The following NKTR variants were observed in gnomAD, a reference collection of about 807,000 sequenced individuals.
The protein encoded by NKTR is natural killer cell triggering receptor.
Under a neutral mutation model 156.3 loss-of-function variants are expected in NKTR, and 67 were observed. The ratio of observed to expected loss-of-function variants is 0.43; its 90% CI spans 0.35 to 0.53. The LOEUF (loss-of-function observed/expected upper bound fraction) is 0.53, where lower values mean the gene tolerates loss of function less well. Ranked by LOEUF, NKTR falls within the 20% of genes least tolerant of loss-of-function variation. The pLI, the probability that NKTR is intolerant of heterozygous loss-of-function variation, is 0.01. For missense variants in NKTR, 1,604 were observed against 1,730.9 expected, an observed-to-expected ratio of 0.93 and a Z score of 1.30; for synonymous variants, 640 against 596.6, an observed-to-expected ratio of 1.07 and a Z score of -1.06.
chr3:42,604,371 T>A (rs1438662771), intron 2 of NKTR, among the ~76,000 whole-genome samples: 1 of 146,350 alleles, frequency 6.8e-6, no homozygotes, highest in East Asian at 2.4e-4. Flanking sequence ...AGATTGTTGA[T>A]TTGATACCTT....
Position 42,636,925 on chromosome 3 carries a change from A to G in NKTR, c.1221A>G (p.Arg407=). The G allele has an allele frequency of 1.3e-6, 2 of 1,591,160 alleles. No individual in the cohort carries two copies. The highest frequency in any genetic ancestry group is 1.7e-6 in the Non-Finnish European group (2 of 1,174,450). ...AAAGAAGCTTGTCTCAGAGATCCAG[A>G]TCATGGTCCTATAATGGATATTATT... ...WDERSLSQRS[R]SWSYNGYYSD... Residue 407 remains arginine, a synonymous_variant, in exon 13 of 17, where the codon AGA becomes AGG. Coordinates refer to ENST00000232978, the MANE Select transcript of NKTR (RefSeq NM_005385.4).
chr3:42,601,208 C>T (rs1705406920), intron 2 of NKTR, 144 bp downstream of exon 2: 2 of 616,526 alleles, frequency 3.2e-6, no homozygotes, highest in Non-Finnish European at 5.3e-6. Flanking sequence ...GAGAGAAAAT[C>T]AGTGGGAGAG....
In NKTR at chr3:42,637,953, A is replaced by C; in HGVS notation, c.2249A>C (p.Asp750Ala). The change falls in exon 13 of 17, where the codon GAT becomes GCT. Residue 750 changes from aspartate to alanine, a missense_variant. By Grantham distance (126) the Asp-to-Ala change is moderately radical. This residue lies in a region of NKTR where 1,255 missense variants were observed against 1,243.7 expected (regional missense o/e 1.01). Transcript: ENST00000232978. ...TCTTCATATACTTCTATTAGCAGTG[A>C]TGATGGAAGGCGAGCTAAGAGGAGA... is the stretch of plus-strand genomic sequence containing the variant. ...RSSSYTSISS[D>A]DGRRAKRRLR... is the part of the protein sequence containing the mutation. The C allele has an allele frequency of 6.2e-7, 1 of 1,613,856 alleles. No homozygotes were observed. Among genetic ancestry groups the C allele is most frequent in the Non-Finnish European group, 8.5e-7 (1 of 1,179,770 alleles).
At chr3:42,601,113 G>C in intron 2 of NKTR, 49 bp downstream of exon 2, 1 of 1,470,572 alleles carries the variant, frequency 6.8e-7, no homozygotes. Flanking sequence ...CTGCCTTGGC[G>C]AAGGGGAGGG....
chr3:42,617,770 GAGTT>G, intron 3 of NKTR, 126 bp downstream of exon 3: 1 of 557,430 alleles, frequency 1.8e-6, no homozygotes. Flanking sequence ...AAAAAAAAAA[GAGTT>G]ACTTATACTG....
Position 42,638,308 on chromosome 3 carries a change from C to T in NKTR, c.2604C>T (p.His868=), listed in dbSNP as rs750279264. The T allele has an allele frequency of 6.2e-7, 1 of 1,610,404 alleles. No homozygotes were observed. The highest frequency in any genetic ancestry group is 8.5e-7 in the Non-Finnish European group (1 of 1,179,082). ...CTTTGAAAGAGAATCTTTCTGATCA[C>T]CTTAGAAATGGCAGTAAGCCCAAAA... is the stretch of plus-strand genomic sequence containing the variant. ...KRTLKENLSD[H]LRNGSKPKRK... The change falls in exon 13 of 17, where the codon CAC becomes CAT. Residue 868 remains histidine, a synonymous_variant. Coordinates refer to ENST00000232978, the MANE Select transcript of NKTR (RefSeq NM_005385.4).
intron 6 of NKTR, 156 bp from the exon 7 acceptor site, chr3:42,630,390 G>T: frequency 7.0e-7 from 1 of 1,430,140 alleles, no homozygotes; most frequent in Non-Finnish European, 9.2e-7. Context: ...GCTGTTTTGG[G>T]GTTTTTAAGG....
intron 5 of NKTR, chr3:42,621,085 A>G (rs1707859971): frequency 1.0e-6 from 1 of 985,726 alleles, no homozygotes; most frequent in Admixed American, 6.1e-5. Context: ...ATTTGGAGGA[A>G]GTAAGCTAGA....
intron 4 of NKTR, 101 bp from the exon 5 acceptor site, chr3:42,619,563 A>C: frequency 6.3e-7 from 1 of 1,577,480 alleles, no homozygotes; most frequent in Admixed American, 1.9e-5. Context: ...CAGTTATAAC[A>C]TTCCAAGGTT....
chr3:42,629,322 T>C (rs1708687191), intron 6 of NKTR: 1 of 956,914 alleles, frequency 1.0e-6, no homozygotes, highest in Non-Finnish European at 1.2e-6. Context: ...TTTTAAAACT[T>C]AATATTTCCT....
chr3:42,635,385 A>G lies in NKTR; in HGVS notation c.1163+19A>G. ...GAGATAAGTAAGAACTTTGAGTATA[A>G]GCACAATCCTGTGTCTGTTATATTT... On this transcript the variant is annotated intron_variant, in intron 12 of 16. Coordinates refer to ENST00000232978, the MANE Select transcript of NKTR (RefSeq NM_005385.4). 9.5e-6 allele frequency: 15 copies of G among 1,586,508 alleles called. No homozygotes were observed. Among genetic ancestry groups the G allele is most frequent in the Non-Finnish European group, 1.2e-5 (14 of 1,163,126 alleles).
At chr3:42,615,096 T>A (rs559543256) in intron 2 of NKTR, among the ~76,000 whole-genome samples, 72 of 151,852 alleles carry the variant, frequency 4.7e-4, no homozygotes, top group African/African-American at 1.7e-3. Context: ...TTTTTTTTTT[T>A]AAGATGGAAT....
At chr3:42,629,245 AT>A in intron 6 of NKTR, 3 of 979,280 alleles carry the variant, frequency 3.1e-6, no homozygotes, top group Non-Finnish European at 3.6e-6. Flanking sequence ...GCCTGTTTTT[AT>A]TTTTATAATT....
At chr3:42,624,442 T>G (rs1708190595) in intron 6 of NKTR, among the ~76,000 whole-genome samples, 1 of 152,090 alleles carries the variant, frequency 6.6e-6, no homozygotes, top group Admixed American at 6.6e-5. Flanking sequence ...CTTTGTATTC[T>G]TATTTTTTAG....
At chr3:42,620,214 C>T (rs1559562718) in intron 5 of NKTR, 3 of 1,274,102 alleles carry the variant, frequency 2.4e-6, no homozygotes, top group Non-Finnish European at 3.0e-6. Flanking sequence ...TTTCATTTCC[C>T]AATGGGTTAT....
At chr3:42,618,333 A>G (rs1353712153) in intron 3 of NKTR, among the ~76,000 whole-genome samples, 1 of 151,224 alleles carries the variant, frequency 6.6e-6, no homozygotes, top group Non-Finnish European at 1.5e-5. Flanking sequence ...CCTGGGGGAC[A>G]AGAGCCAGAC....
At chr3:42,636,496 GGTTTGACTCACCCTCAA>G (rs1392801737) in intron 12 of NKTR, among the ~76,000 whole-genome samples, 1 of 152,174 alleles carries the variant, frequency 6.6e-6, no homozygotes, top group Non-Finnish European at 1.5e-5. Context: ...TTGAGACCTT[GGTTTGACTCACCCTCAA>G]AAACTGTCCT....
intron 6 of NKTR, chr3:42,629,929 T>C (rs1003771949): frequency 3.0e-6 from 3 of 985,368 alleles, no homozygotes; most frequent in East Asian, 2.3e-4. Flanking sequence ...TCAGAAGGGA[T>C]GGCAGATTGA....
At chr3:42,622,375 T>C (rs1387342185) in intron 6 of NKTR, among the ~76,000 whole-genome samples, 1 of 152,064 alleles carries the variant, frequency 6.6e-6, no homozygotes, top group Non-Finnish European at 1.5e-5. Context: ...TGAATCTCAG[T>C]TGTCCTATGT....
Sources: gnomAD v4.1 joint callset for allele counts (sites outside exome capture counted in the v4.1 genomes callset) on GRCh38, gnomAD v4.1.1 for gene constraint, gnomAD v4.1.1 regional missense constraint, MANE v1.5 for transcripts, NCBI Gene and HGNC (gene_info 2026-07-23, HGNC 2026-07-21) for gene names.